NCOA3: variants seen among roughly 807,000 people sequenced by gnomAD.
The protein encoded by NCOA3 is CBP-interacting protein.
A neutral mutation model predicts 158.8 loss-of-function variants in NCOA3; 51 were observed. That is an observed-to-expected ratio of 0.32 (90% CI 0.26 to 0.41). The LOEUF (loss-of-function observed/expected upper bound fraction) is 0.41. NCOA3 is among the 10% of genes least tolerant of loss of function. The probability of loss-of-function intolerance (pLI) is 1.00; values close to 1 mark genes in which losing one functional copy is unlikely to be tolerated. For missense variants in NCOA3, 1,510 were observed against 1,746.6 expected (o/e 0.86, Z 2.41); for synonymous variants, 537 against 592.4 (o/e 0.91, Z 1.36).
intron 2 of NCOA3, among the ~76,000 whole-genome samples, chr20:47,611,059 C>T (rs1026062780): frequency 5.9e-5 from 9 of 152,282 alleles, no homozygotes; most frequent in Admixed American, 5.9e-4. Context: ...CCTTGCTGCT[C>T]TCAGCTGTTT....
At chr20:47,554,013 C>G (rs933905035) in intron 1 of NCOA3, among the ~76,000 whole-genome samples, 16 of 152,300 alleles carry the variant, frequency 1.1e-4, no homozygotes, top group Non-Finnish European at 2.4e-4. Flanking sequence ...ACAGTCCCAC[C>G]AACAGTGTAA....
In NCOA3 at chr20:47,535,177, C is replaced by G. The variant is rs564199112; in HGVS notation, c.-99+33158C>G. Among the ~76,000 whole-genome samples the G allele has an allele frequency of 3.9e-5, 6 of 152,304 alleles. No homozygotes were observed. The South Asian group carries it at 1.2e-3, about 32-fold the overall frequency. On this transcript the variant is annotated intron_variant, in intron 1 of 22. Coordinates refer to ENST00000371998, the MANE Select transcript of NCOA3 (RefSeq NM_181659.3). ...CTGGGCTCAAGGAATTTTCCCACCT[C>G]AGCCTCCTAAGTAGCTAGGCTCACT...
intron 1 of NCOA3, among the ~76,000 whole-genome samples, chr20:47,572,540 C>T (rs942363608): frequency 6.6e-6 from 1 of 151,426 alleles, no homozygotes. Flanking sequence ...CCCCCCCCAC[C>T]TGCCTTTTTT....
chr20:47,637,799 G>GTTTT lies in NCOA3; in HGVS notation c.2512+27_2512+30dup. The GTTTT allele has an allele frequency of 1.2e-5, 17 of 1,406,914 alleles. No individual in the cohort carries two copies. Among genetic ancestry groups the GTTTT allele is most frequent in the South Asian group, 2.7e-5 (2 of 74,874 alleles). The allele number at this position is 1,406,914 out of a possible 1,614,324, so 87.2% of individuals were successfully genotyped here. On this transcript the variant is annotated intron_variant, in intron 13 of 22. Transcript: ENST00000371998. ...AATTCTCTGGGTAAGAATGAACTAG[G>GTTTT]TTTTTTTTTTTTTTGCTGCCTTTGA... is the stretch of plus-strand genomic sequence containing the variant.
At chr20:47,504,828 T>C (rs2084000728) in intron 1 of NCOA3, among the ~76,000 whole-genome samples, 1 of 151,524 alleles carries the variant, frequency 6.6e-6, no homozygotes, top group Non-Finnish European at 1.5e-5. Context: ...TTCTGTCTTG[T>C]GCATTAGCAG....
At position 47,628,008 on chromosome 20, in the gene NCOA3, A is replaced by G. The variant is rs569314955; in HGVS notation, c.808A>G (p.Arg270Gly). ...ATCAAACCCTGAGAGCTTTATTACC[A>G]GACATGATCTTTCAGGTAAAAACTC... ...FPSNPESFITRHDLSGKVVNI... is the reference protein window; with the variant it reads ...FPSNPESFITGHDLSGKVVNI... The change falls in exon 8 of 23, where the codon AGA (arginine) becomes GGA (glycine). Residue 270 changes from arginine (R) to glycine (G), a missense_variant. Arg to Gly is a moderately radical substitution (Grantham distance 125). This residue lies in a region of NCOA3 where 309 missense variants were observed against 427.1 expected (regional missense o/e 0.72). Transcript: ENST00000371998. 1 of 1,613,226 alleles carries G rather than the reference A, an allele frequency of 6.2e-7. No homozygotes were observed. Among genetic ancestry groups the G allele is most frequent in the East Asian group, 2.2e-5 (1 of 44,874 alleles).
At chr20:47,571,349 G>A (rs1386053669) in intron 1 of NCOA3, among the ~76,000 whole-genome samples, 2 of 144,428 alleles carry the variant, frequency 1.4e-5, no homozygotes, top group Non-Finnish European at 3.0e-5. Flanking sequence ...ACAGATTCTC[G>A]CTCTGTTGCC....
chr20:47,570,113 A>C (rs1336563215), intron 1 of NCOA3, among the ~76,000 whole-genome samples: 2 of 152,300 alleles, frequency 1.3e-5, no homozygotes, highest in East Asian at 3.9e-4. Context: ...CAGAATCTTC[A>C]CTGGGGTAGA....
intron 3 of NCOA3, chr20:47,622,885 AGGGTG>A (rs531101962): frequency 6.6e-6 from 1 of 152,238 alleles, no homozygotes; most frequent in Non-Finnish European, 1.5e-5. Context: ...TGATCAAGTT[AGGGTG>A]GGGCAGAAAC....
At position 47,554,598 on chromosome 20, in the gene NCOA3, C is replaced by T. The variant is rs906136318; in HGVS notation, c.-98-28585C>T. Among the ~76,000 whole-genome samples the T allele has an allele frequency of 1.2e-3, 179 of 146,778 alleles. 2 individuals are homozygous for T. The highest frequency in any genetic ancestry group is 4.4e-3 in the African/African-American group (168 of 38,452). The stretch of plus-strand genomic sequence containing the variant: ...AAAGAGCCAAATCATGAGTGAACTC[C>T]CATTCATAATTGCTTCAAAGAGAAT... On this transcript the variant is annotated intron_variant, in intron 1 of 22. Transcript: ENST00000371998.
At position 47,512,652 on chromosome 20, in the gene NCOA3, A is replaced by C. The variant is rs961131742; in HGVS notation, c.-99+10633A>C. Among the ~76,000 whole-genome samples the C allele has an allele frequency of 1.3e-5, 2 of 152,170 alleles. 1 individual carries two copies. The highest frequency in any genetic ancestry group is 4.1e-4 in the South Asian group (2 of 4,828). On this transcript the variant is annotated intron_variant, in intron 1 of 22. Transcript: ENST00000371998. The stretch of plus-strand genomic sequence containing the variant: ...TACACCAGTGGCAAGTAAGTACGAA[A>C]AAAGATGCTCAACATCAGCCATTAG...
At chr20:47,530,239 GT>G (rs1200684740) in intron 1 of NCOA3, among the ~76,000 whole-genome samples, 1 of 152,062 alleles carries the variant, frequency 6.6e-6, no homozygotes, top group African/African-American at 2.4e-5. Flanking sequence ...GGTTTTGATT[GT>G]TTTATTTCAG....
chr20:47,630,732 G>C (rs2086401205), intron 8 of NCOA3: 1 of 152,148 alleles, frequency 6.6e-6, no homozygotes, highest in Non-Finnish European at 1.5e-5. Flanking sequence ...AAAGTGTTGG[G>C]ATTACAGGCA....
At chr20:47,609,389 A>C (rs1005399719) in intron 2 of NCOA3, among the ~76,000 whole-genome samples, 2 of 152,152 alleles carry the variant, frequency 1.3e-5, no homozygotes, top group African/African-American at 4.8e-5. Flanking sequence ...TCGTAATAAA[A>C]TTTTCTTGCC....
intron 2 of NCOA3, among the ~76,000 whole-genome samples, chr20:47,587,847 G>A (rs1013585105): frequency 9.2e-5 from 14 of 152,064 alleles, no homozygotes; most frequent in Middle Eastern, 3.2e-3. Flanking sequence ...TTTATTCCAT[G>A]TCTACAGGGT....
At chr20:47,549,428 C>T (rs1395247184) in intron 1 of NCOA3, among the ~76,000 whole-genome samples, 1 of 151,614 alleles carries the variant, frequency 6.6e-6, no homozygotes, top group Non-Finnish European at 1.5e-5. Flanking sequence ...CACAGGATGA[C>T]AGGTACCTGC....
intron 2 of NCOA3, among the ~76,000 whole-genome samples, chr20:47,584,918 A>G (rs866268445): frequency 1.2e-4 from 19 of 152,300 alleles, no homozygotes; most frequent in Admixed American, 3.9e-4. Context: ...TTATGTGTGA[A>G]TATTTTAATG....
chr20:47,647,910 T>C (rs1250340819), intron 18 of NCOA3, among the ~76,000 whole-genome samples: 1 of 140,396 alleles, frequency 7.1e-6, no homozygotes, highest in East Asian at 2.1e-4. Context: ...TGTTTGTTTG[T>C]TTTGTTTTGT....
chr20:47,516,092 G>A (rs1460069647), intron 1 of NCOA3, among the ~76,000 whole-genome samples: 1 of 152,176 alleles, frequency 6.6e-6, no homozygotes, highest in East Asian at 1.9e-4. Flanking sequence ...TACTCTGTAT[G>A]ATAGATACTA....
Sources: gnomAD v4.1 joint callset for allele counts (sites outside exome capture counted in the v4.1 genomes callset) on GRCh38, gnomAD v4.1.1 for gene constraint, gnomAD v4.1.1 regional missense constraint, MANE v1.5 for transcripts, NCBI Gene and HGNC (gene_info 2026-07-23, HGNC 2026-07-21) for gene names.